Variants in DNAAF11 observed in about 807,000 individuals in gnomAD.
DNAAF11 encodes the protein leucine rich repeat containing 6.
Under a neutral mutation model 60.8 loss-of-function variants are expected in DNAAF11, and 45 were observed. The ratio of observed to expected loss-of-function variants is 0.74; its 90% CI spans 0.58 to 0.95. DNAAF11 has a LOEUF of 0.95. DNAAF11 is among the 40% of genes least tolerant of loss of function. DNAAF11 has a pLI of 0.00. For synonymous variants in DNAAF11, 191 were observed against 183.5 expected (o/e 1.04, Z -0.33); for missense variants, 546 against 546.2 (o/e 1.00, Z 0.00).
At chr8:132,696,539 C>T in the DNAAF11 span, among the ~76,000 whole-genome samples, 3 of 151,970 alleles carry the variant, frequency 2.0e-5, no homozygotes, top group Non-Finnish European at 4.4e-5. Context: ...AATGGATAAA[C>T]AAATGTGATA....
At chr8:132,661,143 T>C (rs776415717) in intron 2 of DNAAF11, among the ~76,000 whole-genome samples, 3 of 152,122 alleles carry the variant, frequency 2.0e-5, no homozygotes, top group Non-Finnish European at 4.4e-5. Flanking sequence ...TGTAAAATGA[T>C]GACAAATGCC....
intron 3 of DNAAF11, among the ~76,000 whole-genome samples, chr8:132,654,123 C>G (rs906009741): frequency 6.6e-6 from 1 of 151,968 alleles, no homozygotes; most frequent in African/African-American, 2.4e-5. Context: ...GCTGGAGTGA[C>G]TATATTAATA....
chr8:132,593,185 G>A (rs1374914557), intron 10 of DNAAF11, among the ~76,000 whole-genome samples: 1 of 151,146 alleles, frequency 6.6e-6, no homozygotes, highest in Non-Finnish European at 1.5e-5. Flanking sequence ...AGGAGGAGGA[G>A]AATCCAACAG....
intron 7 of DNAAF11, among the ~76,000 whole-genome samples, chr8:132,617,264 G>A (rs760343987): frequency 5.3e-5 from 8 of 152,114 alleles, no homozygotes; most frequent in Non-Finnish European, 1.2e-4. Context: ...GAAAAGGGAA[G>A]ACAGCTGAGG....
intron 11 of DNAAF11, among the ~76,000 whole-genome samples, chr8:132,582,426 T>G (rs1815435293): frequency 6.6e-6 from 1 of 152,238 alleles, no homozygotes; most frequent in African/African-American, 2.4e-5. Context: ...CCGAACTGTT[T>G]GCAATGATTT....
the DNAAF11 span, among the ~76,000 whole-genome samples, chr8:132,702,805 T>C: frequency 4.7e-4 from 72 of 152,176 alleles, no homozygotes; most frequent in Middle Eastern, 3.2e-3. Context: ...GATCACAGTC[T>C]AGTCCCAGGT....
intron 7 of DNAAF11, among the ~76,000 whole-genome samples, chr8:132,619,981 CTTTT>C (rs1041107281): frequency 6.6e-6 from 1 of 152,064 alleles, no homozygotes; most frequent in Non-Finnish European, 1.5e-5. Context: ...CTCCTGATTG[CTTTT>C]TTTCTCAACG....
the DNAAF11 span, among the ~76,000 whole-genome samples, chr8:132,683,258 A>C: frequency 6.6e-6 from 1 of 152,220 alleles, no homozygotes; most frequent in African/African-American, 2.4e-5. Flanking sequence ...TGACTTGTCT[A>C]TGTAGACCTG....
the DNAAF11 span, among the ~76,000 whole-genome samples, chr8:132,694,705 G>A: frequency 2.6e-5 from 4 of 152,156 alleles, no homozygotes; most frequent in Admixed American, 2.0e-4. Context: ...CTCTATTTTG[G>A]ACATGTCAAG....
chr8:132,609,039 T>G (rs1411052655), intron 10 of DNAAF11, among the ~76,000 whole-genome samples: 2 of 152,190 alleles, frequency 1.3e-5, no homozygotes, highest in African/African-American at 4.8e-5. Flanking sequence ...GAACCCAATT[T>G]TGACTGGTTT....
Position 132,636,513 on chromosome 8 carries a change from G to T in DNAAF11, c.429+1422C>A, listed in dbSNP as rs143716818. Among the ~76,000 whole-genome samples, 1,112 of 152,226 alleles carry T rather than the reference G, an allele frequency of 7.3e-3. 9 individuals are homozygous for T. In the Middle Eastern group the frequency reaches 0.088, roughly 12 times the overall value. ...TGGGTCTGGGAGGATCAAAAACACT[G>T]TGCCCAAAGTACCTGGCACAACCTC... On this transcript the variant is annotated intron_variant, in intron 4 of 11. Transcript: ENST00000620350.
intron 10 of DNAAF11, among the ~76,000 whole-genome samples, chr8:132,585,615 C>T (rs543675346): frequency 2.2e-4 from 33 of 152,236 alleles, no homozygotes; most frequent in African/African-American, 4.8e-4. Flanking sequence ...GTTTCAAAAG[C>T]GATGCAGTCT....
chr8:132,658,094 C>T (rs1478625634), intron 2 of DNAAF11, among the ~76,000 whole-genome samples: 4 of 152,132 alleles, frequency 2.6e-5, no homozygotes, highest in African/African-American at 9.7e-5. Context: ...ACCCCTATCA[C>T]CACTAATAGT....
At chr8:132,649,836 T>C (rs544358644) in intron 3 of DNAAF11, among the ~76,000 whole-genome samples, 73 of 152,276 alleles carry the variant, frequency 4.8e-4, no homozygotes, top group African/African-American at 1.8e-3. Context: ...TCAAACCAGT[T>C]AGAATGGCAA....
At chr8:132,651,198 T>C (rs993901707) in intron 3 of DNAAF11, among the ~76,000 whole-genome samples, 3 of 151,220 alleles carry the variant, frequency 2.0e-5, no homozygotes, top group African/African-American at 7.3e-5. Flanking sequence ...AAATTCCACC[T>C]CTCCTTCCAG....
intron 10 of DNAAF11, 51 bp from the exon 11 acceptor site, chr8:132,583,830 C>T (rs758867729): frequency 2.1e-5 from 25 of 1,195,232 alleles, no homozygotes; most frequent in Non-Finnish European, 3.0e-5. Flanking sequence ...CCTTGATGTA[C>T]CTTAAAAAAT....
At chr8:132,681,567 A>G in the DNAAF11 span, among the ~76,000 whole-genome samples, 2,344 of 152,226 alleles carry the variant, frequency 0.015, 20 homozygotes, top group Admixed American at 0.023. Flanking sequence ...CTGGAAGAGA[A>G]GTGGAATATA....
chr8:132,695,307 T>A, the DNAAF11 span, among the ~76,000 whole-genome samples: 1 of 152,166 alleles, frequency 6.6e-6, no homozygotes, highest in Non-Finnish European at 1.5e-5. Flanking sequence ...CAGGTATTAT[T>A]ACAACACGCT....
At chr8:132,694,284 A>G in the DNAAF11 span, among the ~76,000 whole-genome samples, 5 of 152,174 alleles carry the variant, frequency 3.3e-5, no homozygotes, top group Admixed American at 3.3e-4. Context: ...TCCCACCCAA[A>G]TTTGTACAGA....
Sources: gnomAD v4.1 joint callset for allele counts (sites outside exome capture counted in the v4.1 genomes callset) on GRCh38, gnomAD v4.1.1 for gene constraint, MANE v1.5 for transcripts, NCBI Gene and HGNC (gene_info 2026-07-23, HGNC 2026-07-21) for gene names.